PDE4D: variants seen among roughly 807,000 people sequenced by gnomAD.
PDE4D encodes 3',5'-cyclic-AMP phosphodiesterase 4D.
In PDE4D, 24 loss-of-function variants were observed where a neutral mutation model predicts 87.4. The observed-to-expected ratio is 0.27, with a 90% CI of 0.20 to 0.39. The LOEUF is 0.39. Ranked by LOEUF, PDE4D falls within the 10% of genes least tolerant of loss-of-function variation. PDE4D has a pLI of 1.00. For synonymous variants in PDE4D, 384 were observed against 383.2 expected (o/e 1.00, Z -0.02); for missense variants, 714 against 1,041.0 (o/e 0.69, Z 4.32).
chr5:59,912,526 A>G (rs1753562515), intron 3 of PDE4D, among the ~76,000 whole-genome samples: 2 of 152,238 alleles, frequency 1.3e-5, no homozygotes, highest in Non-Finnish European at 2.9e-5. Flanking sequence ...AACTGGGCAT[A>G]TAACTCTGAA....
intron 1 of PDE4D, among the ~76,000 whole-genome samples, chr5:59,634,480 T>A (rs923755527): frequency 1.3e-5 from 2 of 152,122 alleles, no homozygotes; most frequent in African/African-American, 4.8e-5. Context: ...GACCACATAA[T>A]TGGAAATAAA....
At chr5:59,469,904 T>G (rs941453295) in intron 1 of PDE4D, among the ~76,000 whole-genome samples, 3 of 152,132 alleles carry the variant, frequency 2.0e-5, no homozygotes, top group Admixed American at 6.5e-5. Flanking sequence ...TCTGGGTGAC[T>G]TGGTCAAAAC....
chr5:59,327,598 G>T (rs1226264273), intron 1 of PDE4D, among the ~76,000 whole-genome samples: 1 of 152,152 alleles, frequency 6.6e-6, no homozygotes, highest in African/African-American at 2.4e-5. Context: ...GAGATCCGTT[G>T]TTAATGTAAC....
At chr5:59,270,496 T>A (rs1467972418) in intron 1 of PDE4D, among the ~76,000 whole-genome samples, 1 of 152,190 alleles carries the variant, frequency 6.6e-6, no homozygotes, top group Non-Finnish European at 1.5e-5. Flanking sequence ...CTATTCAAAA[T>A]TGTGAGGCAT....
At chr5:59,193,660 T>A (rs1744810128) in intron 2 of PDE4D, 124 bp from the exon 3 acceptor site, 1 of 1,493,440 alleles carries the variant, frequency 6.7e-7, no homozygotes, top group South Asian at 1.4e-5. Context: ...ATTCCATCCT[T>A]ATACTTCAGC....
intron 2 of PDE4D, among the ~76,000 whole-genome samples, chr5:60,093,605 C>T (rs1775363595): frequency 6.6e-6 from 1 of 152,106 alleles, no homozygotes; most frequent in Admixed American, 6.6e-5. Flanking sequence ...TTGAACCACT[C>T]ATCTCTTAGG....
chr5:60,116,517 G>A (rs1170422417), intron 2 of PDE4D, among the ~76,000 whole-genome samples: 1 of 152,004 alleles, frequency 6.6e-6, no homozygotes. Context: ...CAGATAAAGA[G>A]CAGAGGAGAA....
intron 5 of PDE4D, among the ~76,000 whole-genome samples, chr5:59,044,838 C>G (rs138753513): frequency 6.6e-6 from 1 of 152,084 alleles, no homozygotes. Flanking sequence ...TTTTCTTTTT[C>G]TTTTATCTTC....
chr5:59,171,768 C>CTA (rs78395306), intron 5 of PDE4D, among the ~76,000 whole-genome samples: 3 of 140,114 alleles, frequency 2.1e-5, no homozygotes, highest in Admixed American at 7.7e-5. Context: ...CTCTCTCTCT[C>CTA]TATATATGAA....
chr5:59,509,315 A>G (rs539727133), intron 1 of PDE4D, among the ~76,000 whole-genome samples: 3 of 151,976 alleles, frequency 2.0e-5, no homozygotes, highest in South Asian at 4.1e-4. Flanking sequence ...GTCTAAGCAC[A>G]AAATAAGATA....
At chr5:60,479,638 TA>T (rs1387249984) in intron 1 of PDE4D, among the ~76,000 whole-genome samples, 1 of 152,224 alleles carries the variant, frequency 6.6e-6, no homozygotes, top group Non-Finnish European at 1.5e-5. Flanking sequence ...CTTTAGGCTA[TA>T]CAGACCATAT....
intron 1 of PDE4D, among the ~76,000 whole-genome samples, chr5:59,656,976 T>A (rs1376339670): frequency 6.6e-6 from 1 of 152,174 alleles, no homozygotes; most frequent in Non-Finnish European, 1.5e-5. Flanking sequence ...CTACAATACC[T>A]GCCTTTTACA....
At chr5:59,655,710 T>C (rs931992959) in intron 1 of PDE4D, among the ~76,000 whole-genome samples, 1 of 152,230 alleles carries the variant, frequency 6.6e-6, no homozygotes, top group Non-Finnish European at 1.5e-5. Flanking sequence ...GGAGCTTTTC[T>C]GGCCCAACCA....
chr5:59,966,299 T>G (rs1204668609), intron 3 of PDE4D, among the ~76,000 whole-genome samples: 1 of 152,334 alleles, frequency 6.6e-6, no homozygotes, highest in East Asian at 1.9e-4. Context: ...TATTAGAGCT[T>G]TTCTTCGTCT....
At chr5:60,211,584 AT>A (rs1303036039) in intron 1 of PDE4D, among the ~76,000 whole-genome samples, 2 of 149,894 alleles carry the variant, frequency 1.3e-5, no homozygotes, top group African/African-American at 4.9e-5. Flanking sequence ...TTTTATTTGT[AT>A]ATTTTTATTT....
intron 3 of PDE4D, among the ~76,000 whole-genome samples, chr5:59,186,038 G>A (rs1393819135): frequency 6.6e-6 from 1 of 152,138 alleles, no homozygotes; most frequent in Non-Finnish European, 1.5e-5. Flanking sequence ...CTAGGAGAAG[G>A]TTCCTAGAGC....
rs114414102 is a variant in PDE4D, at chr5:59,620,925, A to G, written c.455+272243T>C. ...GCTCTTAAATATTTTGTGGTTTATTATAAAAAGATAAATGGAACAAGGATT... is the reference window on the plus strand; with the variant it reads ...GCTCTTAAATATTTTGTGGTTTATTGTAAAAAGATAAATGGAACAAGGATT... On this transcript the variant is annotated intron_variant, in intron 1 of 14. Coordinates refer to ENST00000340635, the MANE Select transcript of PDE4D (RefSeq NM_001104631.2). 3.6e-3 allele frequency among the ~76,000 whole-genome samples: 546 copies of G among 152,288 alleles called. 7 individuals carry two copies. Among genetic ancestry groups the G allele is most frequent in the African/African-American group, 0.013 (522 of 41,574 alleles).
intron 3 of PDE4D, among the ~76,000 whole-genome samples, chr5:59,968,582 A>T (rs1314773496): frequency 3.9e-5 from 6 of 152,000 alleles, no homozygotes; most frequent in Non-Finnish European, 4.4e-5. Context: ...AAGTTGAAAT[A>T]AAAAAATATA....
chr5:60,344,161 G>T (rs912015684), intron 1 of PDE4D, among the ~76,000 whole-genome samples: 3 of 152,018 alleles, frequency 2.0e-5, no homozygotes, highest in Non-Finnish European at 2.9e-5. Context: ...AATAAAAAAG[G>T]TTAGAAGTAT....
Sources: allele counts gnomAD v4.1 joint callset (sites outside exome capture counted in the v4.1 genomes callset), GRCh38; gene constraint gnomAD v4.1.1; transcripts MANE v1.5; gene names NCBI Gene and HGNC (gene_info 2026-07-23, HGNC 2026-07-21).